Variants in ZNF799 observed in about 807,000 individuals in gnomAD.
ZNF799 encodes the protein zinc finger protein 799.
In ZNF799, 28 loss-of-function variants were observed where a neutral mutation model predicts 41.0. The ratio of observed to expected loss-of-function variants is 0.68; its 90% confidence interval spans 0.51 to 0.94. The LOEUF is 0.94. Among genes scored for constraint, ZNF799 ranks in the 40% least tolerant of loss-of-function variants. ZNF799 has a pLI of 0.00. For missense variants in ZNF799, 716 were observed against 764.3 expected (o/e 0.94, Z 0.74); for synonymous variants, 213 against 252.9 (o/e 0.84, Z 1.50).
rs533109128 is a variant in ZNF799, at chr19:12,390,124, G to C, written c.*342C>G. ...ATACATAGACTCTTTTCCTTATCAT[G>C]AGTCCCTAAACAATACAATAGAACA... is the stretch of plus-strand genomic sequence containing the variant. On this transcript the variant is annotated 3_prime_UTR_variant, in exon 4 of 4. Coordinates refer to ENST00000430385, the MANE Select transcript of ZNF799 (RefSeq NM_001080821.3). 2 of 376,828 alleles carry C rather than the reference G, an allele frequency of 5.3e-6. No individual in the cohort carries two copies. Among genetic ancestry groups the C allele is most frequent in the African/African-American group, 4.1e-5 (2 of 48,952 alleles). The allele number at this position is 376,828 out of a possible 1,614,324, so 23.3% of individuals were successfully genotyped here. A position where few individuals can be genotyped will look rare whatever the true frequency, so the allele number is the denominator to read the frequency against.
the ZNF799 span, among the ~76,000 whole-genome samples, chr19:12,413,439 C>A: frequency 1.3e-5 from 2 of 152,166 alleles, 1 homozygote; most frequent in Non-Finnish European, 2.9e-5. Context: ...ATGACTTCTA[C>A]CTCAATAGCC....
upstream of ZNF799, among the ~76,000 whole-genome samples, chr19:12,402,288 A>C (rs1393741976): frequency 6.6e-6 from 1 of 152,162 alleles, no homozygotes; most frequent in Non-Finnish European, 1.5e-5. Flanking sequence ...ACTTTACTGA[A>C]TTTATTTCTC....
Position 12,399,076 on chromosome 19 carries a change from G to A in ZNF799, c.3+1992C>T, listed in dbSNP as rs530758270. Among the ~76,000 whole-genome samples, 11 of 152,266 alleles carry A rather than the reference G, an allele frequency of 7.2e-5. No homozygotes were observed. The South Asian group carries it at 2.3e-3, about 32-fold the overall frequency. ...CAATAACAATCTCTAATCATAGGAT[G>A]TATTTTAAGGTTAATCAAAAATTTA... On this transcript the variant is annotated intron_variant, in intron 1 of 3. Coordinates refer to ENST00000430385, the MANE Select transcript of ZNF799 (RefSeq NM_001080821.3).
chr19:12,392,009 G>A lies in ZNF799; in HGVS notation c.389C>T (p.Pro130Leu). The change falls in exon 4 of 4, where the codon CCA (proline) becomes CTA (leucine). Residue 130 changes from proline (P) to leucine (L), a missense_variant. Physicochemically the swap from Pro to Leu is moderately conservative, Grantham distance 98. Coordinates refer to ENST00000430385, the MANE Select transcript of ZNF799 (RefSeq NM_001080821.3). ...CTCTCCACATTCATGATACTCATAT[G>A]GTTTGTGCCCAGCACCAACTCTGAT... ...CYIRVGAGHK[P>L]YEYHECGEKP... 1.2e-6 allele frequency: 2 copies of A among 1,614,160 alleles called. No homozygotes were observed. Among genetic ancestry groups the A allele is most frequent in the South Asian group, 1.1e-5 (1 of 91,084 alleles).
At chr19:12,409,810 G>T in the ZNF799 span, among the ~76,000 whole-genome samples, 1 of 152,134 alleles carries the variant, frequency 6.6e-6, no homozygotes, top group East Asian at 1.9e-4. Flanking sequence ...AAGACAAACC[G>T]AACTGTCAAG....
chr19:12,401,612 C>G (rs1207258732), upstream of ZNF799, among the ~76,000 whole-genome samples: 2 of 120,928 alleles, frequency 1.7e-5, no homozygotes, highest in Non-Finnish European at 3.2e-5. Flanking sequence ...GAGTCTTGCT[C>G]CGTGGCTCAG....
At position 12,391,564 on chromosome 19, in the gene ZNF799, C is replaced by T. The variant is rs890095747; in HGVS notation, c.834G>A (p.Lys278=). ...CACATTGTTTACATGTATAGGGTTT[C>T]TTTCCAGTGTGAGTTCTTTCATGTC... ...CLRHERTHTG[K]KPYTCKQCGK... is the part of the protein sequence containing the mutation. The change falls in exon 4 of 4, where the codon AAG becomes AAA. Residue 278 remains lysine, a synonymous_variant. Transcript: ENST00000430385. 1 of 1,614,060 alleles carries T rather than the reference C, an allele frequency of 6.2e-7. No individual in the cohort carries two copies. The highest frequency in any genetic ancestry group is 1.3e-5 in the African/African-American group (1 of 74,946).
rs1184500716 is a variant in ZNF799, at chr19:12,401,055, C to T, written c.3+13G>A. 3 of 1,613,914 alleles carry T rather than the reference C, an allele frequency of 1.9e-6. No individual in the cohort carries two copies. In the African/African-American group the frequency reaches 4.0e-5, roughly 22 times the overall value. On this transcript the variant is annotated intron_variant, in intron 1 of 3. Transcript: ENST00000430385. ...CCCTCCCCCGCCTCGGGACGCCGGC[C>T]CAGCACACGCACCATTTCCCGACTT...
the ZNF799 span, among the ~76,000 whole-genome samples, chr19:12,411,073 A>G: frequency 6.6e-6 from 1 of 152,234 alleles, no homozygotes; most frequent in African/African-American, 2.4e-5. Context: ...TAAGGCCAAC[A>G]TTGCCCTTGC....
At chr19:12,413,763 C>A in the ZNF799 span, among the ~76,000 whole-genome samples, 1 of 151,376 alleles carries the variant, frequency 6.6e-6, no homozygotes, top group African/African-American at 2.4e-5. Flanking sequence ...TACTGTGACC[C>A]CTATAAAGAG....
chr19:12,397,978 T>C (rs1969923365), intron 1 of ZNF799, among the ~76,000 whole-genome samples: 1 of 152,134 alleles, frequency 6.6e-6, no homozygotes, highest in Non-Finnish European at 1.5e-5. Flanking sequence ...GGGCTGGGCA[T>C]GGTGGCTCAT....
At chr19:12,393,796 T>C (rs1969858992) in intron 1 of ZNF799, 2 of 1,081,856 alleles carry the variant, frequency 1.8e-6, no homozygotes, top group Non-Finnish European at 1.1e-6. Flanking sequence ...AGACTGTGTG[T>C]CCTTACAAAT....
rs1463410261 is a variant in ZNF799 at position 12,391,787 on chromosome 19, T to C, written c.611A>G (p.Lys204Arg). The C allele has an allele frequency of 3.7e-6, 6 of 1,614,166 alleles. No individual in the cohort carries two copies. Among genetic ancestry groups the C allele is most frequent in the Non-Finnish European group, 2.5e-6 (3 of 1,180,012 alleles). Residue 204 changes from lysine (K) to arginine (R), a missense_variant, in exon 4 of 4, where the codon AAA (lysine) becomes AGA (arginine). Lys to Arg is a conservative substitution (Grantham distance 26). Around this residue, in one of 2 missense-constraint regions of ZNF799, gnomAD observed 698 missense variants for 713.6 expected, o/e 0.98. Transcript: ENST00000430385. ...TAATAAACTGGGCCAAAAAAACGCTTTCCCACACAACTTACATTTATAAGG... is the reference window on the plus strand; with the variant it reads ...TAATAAACTGGGCCAAAAAAACGCTCTCCCACACAACTTACATTTATAAGG... ...DGPYKCKLCGKAFFWPSLLHM... is the reference protein window; with the variant it reads ...DGPYKCKLCGRAFFWPSLLHM...
chr19:12,403,613 C>T (rs144234812), upstream of ZNF799, among the ~76,000 whole-genome samples: 1,041 of 151,776 alleles, frequency 6.9e-3, 3 homozygotes, highest in African/African-American at 0.024. Context: ...AGTGCAATGG[C>T]GCAATCTCAG....
At chr19:12,396,208 ATC>A (rs568183282) in intron 1 of ZNF799, among the ~76,000 whole-genome samples, 1 of 152,272 alleles carries the variant, frequency 6.6e-6, no homozygotes, top group Non-Finnish European at 1.5e-5. Context: ...GAGATAAGCC[ATC>A]TCTGAGAAAC....
At position 12,392,178 on chromosome 19, in the gene ZNF799, T is replaced by G; in HGVS notation, c.220A>C (p.Ser74Arg). The G allele has an allele frequency of 4.4e-6, 7 of 1,586,054 alleles. No individual in the cohort carries two copies. The highest frequency in any genetic ancestry group is 6.0e-6 in the Non-Finnish European group (7 of 1,164,566). ...RCRMLERFVE[S>R]KDGTQCGETS... The stretch of plus-strand genomic sequence containing the variant: ...TCTCCACATTGAGTTCCATCTTTAC[T>G]TTCAACAAATCTCTCTAACATACGA... Residue 74 changes from serine (S) to arginine (R), a missense_variant, in exon 4 of 4, where the codon AGT becomes CGT. This residue lies in a region of ZNF799 where 698 missense variants were observed against 713.6 expected (regional missense o/e 0.98). Transcript: ENST00000430385.
intron 1 of ZNF799, among the ~76,000 whole-genome samples, chr19:12,399,483 C>T (rs1969946150): frequency 6.6e-6 from 1 of 151,512 alleles, no homozygotes; most frequent in Non-Finnish European, 1.5e-5. Context: ...CAGGAGTTAG[C>T]TTTTTACAGG....
At chr19:12,403,652 A>T (rs1488444246), upstream of ZNF799, among the ~76,000 whole-genome samples, 19 of 151,900 alleles carry the variant, frequency 1.3e-4, no homozygotes, top group Non-Finnish European at 2.9e-5. Flanking sequence ...TCCTGGGTTC[A>T]AGCAATTCTC....
In ZNF799 at chr19:12,390,320, C is replaced by G. The variant is rs1969787811; in HGVS notation, c.*146G>C. 1.5e-5 allele frequency: 22 copies of G among 1,465,040 alleles called. No homozygotes were observed. In the Middle Eastern group the frequency reaches 9.3e-4, roughly 62 times the overall value. The allele number at this position is 1,465,040 out of a possible 1,614,324, so 90.8% of individuals were successfully genotyped here. On this transcript the variant is annotated 3_prime_UTR_variant, in exon 4 of 4. Coordinates refer to ENST00000430385, the MANE Select transcript of ZNF799 (RefSeq NM_001080821.3). ...ATACCCAGCAGGTATCAAGGGATGACTGTACTGGAAAGAAACTGAAATTAC... is the reference window on the plus strand; with the variant it reads ...ATACCCAGCAGGTATCAAGGGATGAGTGTACTGGAAAGAAACTGAAATTAC...
Sources: gnomAD v4.1 joint callset for allele counts (sites outside exome capture counted in the v4.1 genomes callset) on GRCh38, gnomAD v4.1.1 for gene constraint, gnomAD v4.1.1 regional missense constraint, MANE v1.5 for transcripts, NCBI Gene and HGNC (gene_info 2026-07-23, HGNC 2026-07-21) for gene names.